The following PCDHA1 variants were observed in gnomAD, a reference collection of about 807,000 sequenced individuals.
The protein encoded by PCDHA1 is protocadherin alpha-1.
Under a neutral mutation model 61.3 loss-of-function variants are expected in PCDHA1, and 42 were observed. The observed-to-expected ratio is 0.69, with a 90% CI of 0.54 to 0.89. The LOEUF (loss-of-function observed/expected upper bound fraction) is 0.89. Ranked by LOEUF, PCDHA1 falls within the 40% of genes least tolerant of loss-of-function variation. PCDHA1 has a pLI of 0.00. For synonymous variants in PCDHA1, 610 were observed against 553.8 expected (o/e 1.10, Z -1.43); for missense variants, 1,256 against 1,235.3 (o/e 1.02, Z -0.25).
At chr5:140,828,481 G>A (rs2150155852) in intron 1 of PCDHA1, 2 of 1,614,204 alleles carry the variant, frequency 1.2e-6, no homozygotes, top group Admixed American at 1.7e-5. Flanking sequence ...ACGACAACCC[G>A]CCCTTGTTCC....
intron 1 of PCDHA1, chr5:140,821,702 T>A: frequency 7.0e-7 from 1 of 1,423,086 alleles, no homozygotes; most frequent in Admixed American, 2.2e-5. Context: ...AATATATAGT[T>A]AATTGGGAAT....
At position 140,835,897 on chromosome 5, in the gene PCDHA1, C is replaced by G. The variant is rs2150247732; in HGVS notation, c.2394+47213C>G. The G allele has an allele frequency of 2.6e-5, 42 of 1,611,960 alleles. No homozygotes were observed. Among genetic ancestry groups the G allele is most frequent in the Middle Eastern group, 4.0e-4 (2 of 4,944 alleles). On this transcript the variant is annotated intron_variant, in intron 1 of 3. Coordinates refer to ENST00000504120, the MANE Select transcript of PCDHA1 (RefSeq NM_018900.4). ...CTGCGGGTGGGCGAGCGCGCGCTGT[C>G]GAGCTACGTGTCAGTGCACGCGGAG...
At chr5:140,802,636 G>A in intron 1 of PCDHA1, 6 of 1,613,858 alleles carry the variant, frequency 3.7e-6, no homozygotes, top group Middle Eastern at 1.7e-4. Flanking sequence ...GTGTCTGCGC[G>A]GGACGCGGAC....
chr5:140,823,952 C>T (rs2150130685), intron 1 of PCDHA1: 1 of 1,613,960 alleles, frequency 6.2e-7, no homozygotes, highest in African/African-American at 1.3e-5. Flanking sequence ...TCGGCGCAGC[C>T]CACCGAGGCC....
At chr5:140,904,949 T>A (rs2071498656) in intron 1 of PCDHA1, among the ~76,000 whole-genome samples, 1 of 152,228 alleles carries the variant, frequency 6.6e-6, no homozygotes, top group South Asian at 2.1e-4. Flanking sequence ...TAGTCCTTTG[T>A]CTGATGCAGA....
rs140143048 is a variant in PCDHA1 at position 140,842,939 on chromosome 5, G to T, written c.2394+54255G>T. 2.5e-6 allele frequency: 4 copies of T among 1,594,572 alleles called. No homozygotes were observed. In the East Asian group the frequency reaches 8.9e-5, roughly 36 times the overall value. ...GCAGTTCCAGGTGAGCGCGCGCGACGCGGGCGTGCCGCCTCTGGGCAGCAA... is the reference window on the plus strand; with the variant it reads ...GCAGTTCCAGGTGAGCGCGCGCGACTCGGGCGTGCCGCCTCTGGGCAGCAA... On this transcript the variant is annotated intron_variant, in intron 1 of 3. Coordinates refer to ENST00000504120, the MANE Select transcript of PCDHA1 (RefSeq NM_018900.4).
chr5:140,796,493 T>C, intron 1 of PCDHA1: 2 of 1,612,144 alleles, frequency 1.2e-6, no homozygotes, highest in Non-Finnish European at 1.7e-6. Context: ...TACGTTTCGG[T>C]GCACGCGGAG....
At chr5:140,911,271 C>G (rs2075400243) in intron 1 of PCDHA1, among the ~76,000 whole-genome samples, 1 of 152,072 alleles carries the variant, frequency 6.6e-6, no homozygotes, top group Non-Finnish European at 1.5e-5. Flanking sequence ...TCTCAGTGTC[C>G]CCAGCTTCAT....
At chr5:140,927,564 GGACACAAAT>G in intron 1 of PCDHA1, 1 of 1,614,150 alleles carries the variant, frequency 6.2e-7, no homozygotes, top group Admixed American at 1.7e-5. Context: ...TCATTGTGGT[GGACACAAAT>G]GACAACGCGC....
chr5:140,870,054 T>A (rs895309313), intron 1 of PCDHA1: 2 of 1,613,676 alleles, frequency 1.2e-6, no homozygotes, highest in African/African-American at 2.7e-5. Flanking sequence ...TTTATAAAAT[T>A]GAAGTACAGG....
At chr5:140,997,762 A>G (rs2097784598) in intron 3 of PCDHA1, among the ~76,000 whole-genome samples, 1 of 152,118 alleles carries the variant, frequency 6.6e-6, no homozygotes, top group Non-Finnish European at 1.5e-5. Context: ...GAGTAAGGAT[A>G]TAGCACTATG....
chr5:140,835,898 G>T lies in PCDHA1; in HGVS notation c.2394+47214G>T, dbSNP rs2150247809. 5 of 1,612,080 alleles carry T rather than the reference G, an allele frequency of 3.1e-6. No homozygotes were observed. The Admixed American group carries it at 8.3e-5, about 27-fold the overall frequency. ...TGCGGGTGGGCGAGCGCGCGCTGTCGAGCTACGTGTCAGTGCACGCGGAGA... is the reference window on the plus strand; with the variant it reads ...TGCGGGTGGGCGAGCGCGCGCTGTCTAGCTACGTGTCAGTGCACGCGGAGA... On this transcript the variant is annotated intron_variant, in intron 1 of 3. Transcript: ENST00000504120.
intron 1 of PCDHA1, chr5:140,929,696 A>G (rs955159626): frequency 2.6e-5 from 7 of 266,458 alleles, no homozygotes; most frequent in African/African-American, 1.3e-4. Flanking sequence ...TCTGCTTTAT[A>G]TGAATATAAT....
chr5:140,984,386 A>G (rs2097099955), intron 3 of PCDHA1, among the ~76,000 whole-genome samples: 1 of 152,202 alleles, frequency 6.6e-6, no homozygotes, highest in South Asian at 2.1e-4. Flanking sequence ...TTCAGATTCA[A>G]AAAATGTTGA....
At chr5:140,862,839 G>A in intron 1 of PCDHA1, 1 of 574,670 alleles carries the variant, frequency 1.7e-6, no homozygotes, top group Non-Finnish European at 3.3e-6. Flanking sequence ...ACGCGGGCAT[G>A]CCGCCTCTGA....
intron 2 of PCDHA1, among the ~76,000 whole-genome samples, chr5:140,982,139 A>G (rs1381844546): frequency 1.3e-5 from 2 of 152,260 alleles, no homozygotes; most frequent in Non-Finnish European, 2.9e-5. Flanking sequence ...AGCCCTCCTC[A>G]TCTGCTTCAG....
At chr5:140,865,143 T>C (rs142181937) in intron 1 of PCDHA1, 3 of 152,352 alleles carry the variant, frequency 2.0e-5, no homozygotes, top group Admixed American at 1.3e-4. Context: ...GAATTTAACA[T>C]TGTATACTTT....
At chr5:140,981,332 G>A (rs1407839547) in intron 2 of PCDHA1, among the ~76,000 whole-genome samples, 1 of 152,182 alleles carries the variant, frequency 6.6e-6, no homozygotes, top group Non-Finnish European at 1.5e-5. Context: ...CCAGCACTTT[G>A]GGAGGGTGAG....
At chr5:140,918,928 C>A (rs2078929450) in intron 1 of PCDHA1, among the ~76,000 whole-genome samples, 1 of 152,172 alleles carries the variant, frequency 6.6e-6, no homozygotes, top group South Asian at 2.1e-4. Context: ...CAGCATATGG[C>A]ATTTTGTTAT....
Sources: allele counts gnomAD v4.1 joint callset (sites outside exome capture counted in the v4.1 genomes callset), GRCh38; gene constraint gnomAD v4.1.1; transcripts MANE v1.5; gene names NCBI Gene and HGNC (gene_info 2026-07-23, HGNC 2026-07-21).